The following MGAT4C variants were observed in gnomAD, a reference collection of about 807,000 sequenced individuals.
MGAT4C encodes MGAT4 family member C, also known as alpha-1,3-mannosyl-glycoprotein 4-beta-N-acetylglucosaminyltransferase C.
MGAT4C carries 19 observed loss-of-function variants against 40.1 expected under a neutral mutation model. The ratio of observed to expected loss-of-function variants is 0.47; its 90% CI spans 0.33 to 0.70. The LOEUF (loss-of-function observed/expected upper bound fraction) is 0.70, where lower values mean the gene tolerates loss of function less well. Among genes scored for constraint, MGAT4C ranks in the 30% least tolerant of loss-of-function variants. The pLI is 0.02. For synonymous variants in MGAT4C, 181 were observed against 187.1 expected (o/e 0.97, Z 0.27); for missense variants, 491 against 563.2 (o/e 0.87, Z 1.30).
intron 2 of MGAT4C, chr12:86,013,741 C>T: frequency 1.0e-6 from 1 of 982,960 alleles, no homozygotes; most frequent in Non-Finnish European, 1.2e-6. Flanking sequence ...TTTCTAGTGT[C>T]AGTCAGGTCC....
At chr12:86,566,556 A>G (rs1182597882) in intron 2 of MGAT4C, among the ~76,000 whole-genome samples, 3 of 114,312 alleles carry the variant, frequency 2.6e-5, no homozygotes, top group Non-Finnish European at 5.0e-5. Flanking sequence ...ATATATATAT[A>G]TATATATATA....
chr12:86,492,954 A>C (rs1275954985), intron 2 of MGAT4C, among the ~76,000 whole-genome samples: 2 of 152,182 alleles, frequency 1.3e-5, no homozygotes, highest in Non-Finnish European at 1.5e-5. Flanking sequence ...TTACAAGAAA[A>C]AAACAAACAA....
intron 1 of MGAT4C, among the ~76,000 whole-genome samples, chr12:86,067,610 G>A (rs1894678907): frequency 6.6e-6 from 1 of 152,072 alleles, no homozygotes; most frequent in African/African-American, 2.4e-5. Context: ...TAATGTAGAT[G>A]ACGGGTTGAT....
Position 86,048,261 on chromosome 12 carries a change from A to G in MGAT4C, c.-7+1413T>C, listed in dbSNP as rs537246666. ...AGTTATAAGTGGGGGCTAAACACTG[A>G]GTACACATGGACCTAAAGATATCAG... On this transcript the variant is annotated intron_variant, in intron 2 of 4. Coordinates refer to ENST00000611864, the MANE Select transcript of MGAT4C (RefSeq NM_001351288.2). Among the ~76,000 whole-genome samples the G allele has an allele frequency of 2.6e-5, 4 of 152,186 alleles. No homozygotes were observed. The East Asian group carries it at 7.7e-4, about 29-fold the overall frequency.
chr12:86,825,455 A>G (rs1021734999), intron 1 of MGAT4C, among the ~76,000 whole-genome samples: 6 of 151,360 alleles, frequency 4.0e-5, no homozygotes, highest in Non-Finnish European at 8.9e-5. Context: ...CTGTATCAAT[A>G]AGAAACAAGT....
chr12:86,585,589 T>A (rs1353994737), intron 2 of MGAT4C, among the ~76,000 whole-genome samples: 1 of 151,484 alleles, frequency 6.6e-6, no homozygotes, highest in Non-Finnish European at 1.5e-5. Context: ...AACCATGTGA[T>A]GACTTGAAGT....
chr12:86,522,601 G>A (rs184370662), intron 2 of MGAT4C, among the ~76,000 whole-genome samples: 8 of 152,168 alleles, frequency 5.3e-5, no homozygotes, highest in South Asian at 2.1e-4. Flanking sequence ...TCAGGAAGAC[G>A]CTGGTCTTAT....
chr12:86,054,176 G>T (rs1321341485), intron 1 of MGAT4C, among the ~76,000 whole-genome samples: 1 of 151,986 alleles, frequency 6.6e-6, no homozygotes, highest in South Asian at 2.1e-4. Flanking sequence ...TAATAGCCAA[G>T]ATATGGAGTC....
intron 1 of MGAT4C, among the ~76,000 whole-genome samples, chr12:86,164,640 A>G (rs1222852923): frequency 1.3e-5 from 2 of 152,208 alleles, no homozygotes; most frequent in African/African-American, 4.8e-5. Flanking sequence ...CTTTGAGTTC[A>G]GTTCTGAATA....
At chr12:86,574,109 C>T (rs184102011) in intron 2 of MGAT4C, among the ~76,000 whole-genome samples, 1 of 151,736 alleles carries the variant, frequency 6.6e-6, no homozygotes, top group African/African-American at 2.4e-5. Context: ...TTCCCCTACC[C>T]CTCTAAATGA....
intron 4 of MGAT4C, among the ~76,000 whole-genome samples, chr12:86,277,542 G>C (rs1187574282): frequency 6.6e-6 from 1 of 152,140 alleles, no homozygotes; most frequent in Non-Finnish European, 1.5e-5. Flanking sequence ...TTAGATTTAA[G>C]TCTTTAATCA....
intron 2 of MGAT4C, among the ~76,000 whole-genome samples, chr12:86,044,823 A>G (rs1359377971): frequency 1.3e-5 from 2 of 152,040 alleles, no homozygotes; most frequent in African/African-American, 2.4e-5. Context: ...TTCCCACACC[A>G]TACCCCGTGA....
chr12:86,278,806 C>T (rs890747363), intron 4 of MGAT4C, among the ~76,000 whole-genome samples: 2 of 152,160 alleles, frequency 1.3e-5, no homozygotes, highest in Non-Finnish European at 2.9e-5. Flanking sequence ...ATACTAGCTG[C>T]AACTCTGTCA....
chr12:86,230,389 A>G (rs61949039), intron 1 of MGAT4C, among the ~76,000 whole-genome samples: 11,160 of 152,244 alleles, frequency 0.073, 575 homozygotes, highest in Middle Eastern at 0.22. Flanking sequence ...AGATAACATC[A>G]ATATAAGTGA....
In MGAT4C at chr12:86,756,934, T is replaced by C. The variant is rs567846503; in HGVS notation, c.-261-29693A>G. 6.3e-4 allele frequency among the ~76,000 whole-genome samples: 96 copies of C among 152,170 alleles called. 1 individual carries two copies. The highest frequency in any genetic ancestry group is 7.2e-4 in the Admixed American group (11 of 15,270). On this transcript the variant is annotated intron_variant, in intron 1 of 7. Transcript: ENST00000548651. ...CTTCAAATGTATAACAAAATCATAA[T>C]AAGCCTTTCTCAAATCAAATTAAAT...
At chr12:86,689,507 C>G (rs548448059) in intron 2 of MGAT4C, among the ~76,000 whole-genome samples, 1 of 152,222 alleles carries the variant, frequency 6.6e-6, no homozygotes, top group African/African-American at 2.4e-5. Context: ...CATGGGCGTC[C>G]TTTTTGTTGA....
At chr12:86,663,391 G>T (rs1347842854) in intron 2 of MGAT4C, among the ~76,000 whole-genome samples, 1 of 129,760 alleles carries the variant, frequency 7.7e-6, no homozygotes, top group South Asian at 2.5e-4. Flanking sequence ...AATAAAGAAA[G>T]AAACCAAAAG....
chr12:86,819,258 C>T (rs1467187508), intron 1 of MGAT4C, among the ~76,000 whole-genome samples: 1 of 150,768 alleles, frequency 6.6e-6, no homozygotes, highest in Non-Finnish European at 1.5e-5. Flanking sequence ...GCTAAAATAA[C>T]TTGTCTAAGC....
chr12:86,161,109 C>A (rs1885541210), intron 1 of MGAT4C, among the ~76,000 whole-genome samples: 1 of 152,046 alleles, frequency 6.6e-6, no homozygotes, highest in African/African-American at 2.4e-5. Context: ...ATACAATGCT[C>A]TTTCTTTCAA....
Sources: gnomAD v4.1 joint callset for allele counts (sites outside exome capture counted in the v4.1 genomes callset) on GRCh38, gnomAD v4.1.1 for gene constraint, MANE v1.5 for transcripts, NCBI Gene and HGNC (gene_info 2026-07-23, HGNC 2026-07-21) for gene names.